JAKMIP1: variants seen among roughly 807,000 people sequenced by gnomAD.
JAKMIP1 encodes janus kinase and microtubule-interacting protein 1.
JAKMIP1 carries 33 observed loss-of-function variants against 113.0 expected under a neutral mutation model. That is an observed-to-expected ratio of 0.29 (90% CI 0.22 to 0.39). The LOEUF (loss-of-function observed/expected upper bound fraction) is 0.39. JAKMIP1 is among the 10% of genes least tolerant of loss of function. The probability of loss-of-function intolerance (pLI) is 1.00; values close to 1 mark genes in which losing one functional copy is unlikely to be tolerated. For synonymous variants in JAKMIP1, 480 were observed against 459.9 expected, an observed-to-expected ratio of 1.04 and a Z score of -0.56; for missense variants, 813 against 1,080.5, an observed-to-expected ratio of 0.75 and a Z score of 3.47.
rs1321645923 is a variant in JAKMIP1, at chr4:6,049,573, G to A, written c.1962+246C>T. Among the ~76,000 whole-genome samples the A allele has an allele frequency of 6.6e-6, 1 of 151,978 alleles. No individual in the cohort carries two copies. The highest frequency in any genetic ancestry group is 2.4e-5 in the African/African-American group (1 of 41,370). Reference sequence around the variant, plus strand: ...TGACTCCACCTGCATTCTGGGTAGGGATTCTGAGGCTTTCCCGTCCCCTCC... The same window carrying A: ...TGACTCCACCTGCATTCTGGGTAGGAATTCTGAGGCTTTCCCGTCCCCTCC... On this transcript the variant is annotated intron_variant, in intron 15 of 20. Coordinates refer to ENST00000409021, the MANE Select transcript of JAKMIP1 (RefSeq NM_001099433.2). This position sits in a 1 kb window ranked among gnomAD's most constrained non-coding sequence, Gnocchi z 7.0.
At chr4:6,110,583 G>A (rs1055288007) in intron 2 of JAKMIP1, among the ~76,000 whole-genome samples, 1 of 147,644 alleles carries the variant, frequency 6.8e-6, no homozygotes, top group African/African-American at 2.5e-5. Context: ...AGCACCTGGT[G>A]CTATCTGCAC....
intron 18 of JAKMIP1, among the ~76,000 whole-genome samples, chr4:6,037,985 A>G (rs60478853): frequency 5.3e-4 from 57 of 107,322 alleles, no homozygotes; most frequent in African/African-American, 1.3e-3. Flanking sequence ...GAGGCTAACC[A>G]GTAGCCCTCC....
chr4:6,138,690 G>A lies in JAKMIP1; in HGVS notation c.-147-25693C>T, dbSNP rs1460582365. 1.3e-5 allele frequency among the ~76,000 whole-genome samples: 2 copies of A among 152,132 alleles called. No individual in the cohort carries two copies. The highest frequency in any genetic ancestry group is 1.9e-4 in the East Asian group (1 of 5,188). On this transcript the variant is annotated intron_variant, in intron 1 of 20. Transcript: ENST00000409021. This position sits in a 1 kb window ranked among gnomAD's most constrained non-coding sequence, Gnocchi z 6.0. Reference sequence around the variant, plus strand: ...CACGTTCTAGAACCACGGAATGGCCGTGCAGTGGCGTGTTCTCAACGGCCA... The same window carrying A: ...CACGTTCTAGAACCACGGAATGGCCATGCAGTGGCGTGTTCTCAACGGCCA...
rs1715777345 is a variant in JAKMIP1 at position 6,116,312 on chromosome 4, C to T, written c.-147-3315G>A. Among the ~76,000 whole-genome samples, 1 of 152,068 alleles carries T rather than the reference C, an allele frequency of 6.6e-6. No individual in the cohort carries two copies. Among genetic ancestry groups the T allele is most frequent in the African/African-American group, 2.4e-5 (1 of 41,408 alleles). On this transcript the variant is annotated intron_variant, in intron 1 of 20. Coordinates refer to ENST00000409021, the MANE Select transcript of JAKMIP1 (RefSeq NM_001099433.2). The surrounding 1 kb of genome is among the most constrained non-coding windows in gnomAD (Gnocchi z 5.1). ...ACAGCAGGGAACTCTCCTGCCTGAG[C>T]TTAGCTTGGTGTCTGCTGCGCCCGG...
chr4:6,110,778 T>A (rs544066708), intron 2 of JAKMIP1, among the ~76,000 whole-genome samples: 7 of 149,070 alleles, frequency 4.7e-5, no homozygotes, highest in African/African-American at 1.5e-4. Context: ...CAGGCAGGGG[T>A]GGTGGTGGAG....
In JAKMIP1 at chr4:6,089,587, C is replaced by T. The variant is rs926197750; in HGVS notation, c.625-3958G>A. 1.3e-5 allele frequency among the ~76,000 whole-genome samples: 2 copies of T among 152,204 alleles called. No individual in the cohort carries two copies. Among genetic ancestry groups the T allele is most frequent in the Non-Finnish European group, 2.9e-5 (2 of 68,040 alleles). On this transcript the variant is annotated intron_variant, in intron 3 of 20. Transcript: ENST00000409021. This position sits in a 1 kb window ranked among gnomAD's most constrained non-coding sequence, Gnocchi z 5.3. ...AAGTGCAGATTGTACTCTCCAAGCCCTCCCTGTCCCCTCTGCCCCAAAGGA... is the reference window on the plus strand; with the variant it reads ...AAGTGCAGATTGTACTCTCCAAGCCTTCCCTGTCCCCTCTGCCCCAAAGGA...
rs2108956800 is a variant in JAKMIP1, at chr4:6,139,495, T to A, written c.-147-26498A>T. On this transcript the variant is annotated intron_variant, in intron 1 of 20. Transcript: ENST00000409021. The surrounding 1 kb of genome is among the most constrained non-coding windows in gnomAD (Gnocchi z 5.2). ...CAAAAAGAAGAAATGGGGCTGGTCG[T>A]GGTGGCTCACGCCTGTAACCCCAGC... Among the ~76,000 whole-genome samples the A allele has an allele frequency of 6.6e-6, 1 of 152,110 alleles. No individual in the cohort carries two copies. Among genetic ancestry groups the A allele is most frequent in the East Asian group, 1.9e-4 (1 of 5,162 alleles).
rs980613591 is a variant in JAKMIP1, at chr4:6,116,226, A to G, written c.-147-3229T>C. ...AGTCCCGACGCTCACAGCACCACAC[A>G]GCATCACTGTAATCAGCCCCTCTGG... On this transcript the variant is annotated intron_variant, in intron 1 of 20. Transcript: ENST00000409021. This position sits in a 1 kb window ranked among gnomAD's most constrained non-coding sequence, Gnocchi z 5.1. Among the ~76,000 whole-genome samples, 5 of 152,086 alleles carry G rather than the reference A, an allele frequency of 3.3e-5. No individual in the cohort carries two copies. The highest frequency in any genetic ancestry group is 7.4e-5 in the Non-Finnish European group (5 of 68,010).
chr4:6,177,863 C>T (rs577775111), intron 1 of JAKMIP1, among the ~76,000 whole-genome samples: 73 of 152,334 alleles, frequency 4.8e-4, no homozygotes, highest in African/African-American at 1.0e-3. Flanking sequence ...GGCTGTCCCT[C>T]TGCCCACAAC....
chr4:6,070,218 A>C (rs1239715725), intron 8 of JAKMIP1: 2 of 398,034 alleles, frequency 5.0e-6, no homozygotes, highest in Non-Finnish European at 8.9e-6. Flanking sequence ...GGCAAAAGCC[A>C]CCTCGTCGGC....
rs549208474 is a variant in JAKMIP1 at position 6,141,257 on chromosome 4, G to A, written c.-147-28260C>T. On this transcript the variant is annotated intron_variant, in intron 1 of 20. Coordinates refer to ENST00000409021, the MANE Select transcript of JAKMIP1 (RefSeq NM_001099433.2). The surrounding 1 kb of genome is among the most constrained non-coding windows in gnomAD (Gnocchi z 9.4). ...TCGAGACCAGCCTGGCCAACATGGC[G>A]AAACCCCGTCTCTATTAAAAATACA... 2.6e-3 allele frequency among the ~76,000 whole-genome samples: 396 copies of A among 152,182 alleles called. 1 individual carries two copies. Among genetic ancestry groups the A allele is most frequent in the Non-Finnish European group, 4.7e-3 (323 of 68,022 alleles).
In JAKMIP1 at chr4:6,040,594, G is replaced by A; in HGVS notation, c.2175+45C>T. On this transcript the variant is annotated intron_variant, in intron 18 of 20. Coordinates refer to ENST00000409021, the MANE Select transcript of JAKMIP1 (RefSeq NM_001099433.2). This position sits in a 1 kb window ranked among gnomAD's most constrained non-coding sequence, Gnocchi z 5.8. ...CCCAGAGGAAAAAGCAGCCTCTAAT[G>A]TGGAGTCTAAGAAGCCAAAGTGTCA... 7.2e-7 allele frequency: 1 copy of A among 1,397,776 alleles called. No homozygotes were observed. The highest frequency in any genetic ancestry group is 1.0e-6 in the Non-Finnish European group (1 of 985,996). 86.6% of individuals were successfully genotyped at this position (1,397,776 alleles called of 1,614,324 possible). A position where few individuals can be genotyped will look rare whatever the true frequency, so the allele number is the denominator to read the frequency against.
intron 8 of JAKMIP1, among the ~76,000 whole-genome samples, chr4:6,075,906 G>A (rs916439686): frequency 3.9e-5 from 6 of 152,194 alleles, no homozygotes; most frequent in African/African-American, 7.2e-5. Flanking sequence ...GCCAGTTGCA[G>A]CTGCTCATGC....
At chr4:6,057,702 G>A (rs1003367217) in intron 11 of JAKMIP1, among the ~76,000 whole-genome samples, 9 of 152,184 alleles carry the variant, frequency 5.9e-5, no homozygotes, top group Non-Finnish European at 1.2e-4. Context: ...CACCCCCTCT[G>A]CCATGTGACT....
rs1722412009 is a variant in JAKMIP1, at chr4:6,157,648, G to A, written c.-148+42605C>T. On this transcript the variant is annotated intron_variant, in intron 1 of 20. Coordinates refer to ENST00000409021, the MANE Select transcript of JAKMIP1 (RefSeq NM_001099433.2). This position sits in a 1 kb window ranked among gnomAD's most constrained non-coding sequence, Gnocchi z 4.7. The stretch of plus-strand genomic sequence containing the variant: ...AATCCCAGCTCAGCCATCTTCCCCA[G>A]CGTAGCCCTGGACATGCTACCTAAC... Among the ~76,000 whole-genome samples, 1 of 152,066 alleles carries A rather than the reference G, an allele frequency of 6.6e-6. No individual in the cohort carries two copies. Among genetic ancestry groups the A allele is most frequent in the African/African-American group, 2.4e-5 (1 of 41,410 alleles).
rs1207881928 is a variant in JAKMIP1 at position 6,186,799 on chromosome 4, T to G, written c.-148+13454A>C. On this transcript the variant is annotated intron_variant, in intron 1 of 20. Coordinates refer to ENST00000409021, the MANE Select transcript of JAKMIP1 (RefSeq NM_001099433.2). The surrounding 1 kb of genome is among the most constrained non-coding windows in gnomAD (Gnocchi z 5.5). Reference sequence around the variant, plus strand: ...ACATATTCAACTATTGTTGTTGAATTATCTATTTCTCCCTTCACTTCTGTC... The same window carrying G: ...ACATATTCAACTATTGTTGTTGAATGATCTATTTCTCCCTTCACTTCTGTC... 6.6e-6 allele frequency among the ~76,000 whole-genome samples: 1 copy of G among 152,144 alleles called. No individual in the cohort carries two copies. Among genetic ancestry groups the G allele is most frequent in the African/African-American group, 2.4e-5 (1 of 41,426 alleles).
At position 6,069,752 on chromosome 4, in the gene JAKMIP1, CA is replaced by C. The variant is rs56832267; in HGVS notation, c.1303-4745del. On this transcript the variant is annotated intron_variant, in intron 8 of 20. Transcript: ENST00000409021. This position sits in a 1 kb window ranked among gnomAD's most constrained non-coding sequence, Gnocchi z 4.5. ...TGGGTGACAGGGCAAGATCCTGTCT[CA>C]AAAAAAAAAAAAAAAAGATTCAGTT... is the stretch of plus-strand genomic sequence containing the variant. Among the ~76,000 whole-genome samples the C allele has an allele frequency of 0.022, 2,800 of 124,970 alleles. 54 individuals are homozygous for C. Among genetic ancestry groups the C allele is most frequent in the African/African-American group, 0.071 (2,313 of 32,442 alleles). The allele number at this position is 124,970 out of a possible 152,430, so 82.0% of individuals were successfully genotyped here.
chr4:6,160,508 C>T (rs1367159298), intron 1 of JAKMIP1, among the ~76,000 whole-genome samples: 2 of 152,160 alleles, frequency 1.3e-5, no homozygotes, highest in African/African-American at 4.8e-5. Context: ...CCTCGCTTCC[C>T]TCCCGCATGC....
At chr4:6,151,493 G>A (rs1026655136) in intron 1 of JAKMIP1, among the ~76,000 whole-genome samples, 2 of 152,012 alleles carry the variant, frequency 1.3e-5, no homozygotes, top group African/African-American at 4.8e-5. Context: ...CCCTCTGCTT[G>A]CTTACCCACC....
Sources: allele counts gnomAD v4.1 joint callset (sites outside exome capture counted in the v4.1 genomes callset), GRCh38; gene constraint gnomAD v4.1.1; non-coding constraint Gnocchi (gnomAD v3.1); transcripts MANE v1.5; gene names NCBI Gene and HGNC (gene_info 2026-07-23, HGNC 2026-07-21).